Variants in ARMC9 observed in about 807,000 individuals in gnomAD.
ARMC9 encodes armadillo repeat containing 9, also known as lisH domain-containing protein ARMC9.
A neutral mutation model predicts 107.0 loss-of-function variants in ARMC9; 94 were observed. That is an observed-to-expected ratio of 0.88 (90% confidence interval 0.74 to 1.04). The LOEUF is 1.04. Among genes scored for constraint, ARMC9 ranks in the 50% least tolerant of loss-of-function variants. ARMC9 has a pLI of 0.00. For synonymous variants in ARMC9, 380 were observed against 396.9 expected (o/e 0.96, Z 0.51); for missense variants, 942 against 1,030.1 (o/e 0.91, Z 1.17).
chr2:231,253,367 G>T (rs112871009), intron 9 of ARMC9, among the ~76,000 whole-genome samples: 1 of 151,894 alleles, frequency 6.6e-6, no homozygotes, highest in South Asian at 2.1e-4. Context: ...TGCCTGCCTC[G>T]GCCTCCCAAA....
intron 19 of ARMC9, among the ~76,000 whole-genome samples, chr2:231,323,501 C>T (rs544677031): frequency 4.6e-5 from 7 of 152,284 alleles, no homozygotes; most frequent in Middle Eastern, 3.4e-3. Flanking sequence ...CTTTGTTAAG[C>T]TGCCCTTCCC....
intron 21 of ARMC9, among the ~76,000 whole-genome samples, chr2:231,353,978 T>TACACACACAC (rs537007134): frequency 1.4e-5 from 2 of 138,224 alleles, no homozygotes; most frequent in African/African-American, 6.3e-5. Context: ...TATATGTATA[T>TACACACACAC]ATACACACAC....
intron 19 of ARMC9, among the ~76,000 whole-genome samples, chr2:231,302,453 T>G (rs1296733556): frequency 1.2e-4 from 18 of 145,142 alleles, no homozygotes; most frequent in Admixed American, 1.2e-3. Flanking sequence ...TTTTTTTTTT[T>G]TTTTTTTTTG....
intron 20 of ARMC9, among the ~76,000 whole-genome samples, chr2:231,339,364 A>G (rs75789547): frequency 0.06 from 9,185 of 152,186 alleles, 453 homozygotes; most frequent in African/African-American, 0.13. Context: ...TTTTTAAAAG[A>G]CAAAAATTTA....
intron 15 of ARMC9, 134 bp from the exon 16 acceptor site, chr2:231,278,248 G>T: frequency 1.3e-6 from 1 of 788,256 alleles, no homozygotes; most frequent in Non-Finnish European, 2.2e-6. Flanking sequence ...TGACTCACCC[G>T]AGGTCATACA....
Position 231,214,879 on chromosome 2 carries a change from G to C in ARMC9, c.226G>C (p.Asp76His), listed in dbSNP as rs759705369. 8 of 1,614,112 alleles carry C rather than the reference G, an allele frequency of 5.0e-6. No individual in the cohort carries two copies. The highest frequency in any genetic ancestry group is 2.2e-5 in the South Asian group (2 of 91,066). The change falls in exon 4 of 25, where the codon GAT (aspartate) becomes CAT (histidine). Residue 76 changes from aspartate to histidine, a missense_variant. Transcript: ENST00000611582. ...FDNGDQKVFF[D>H]LWEEHISSSI... ...CAACGGAGACCAGAAGGTGTTCTTC[G>C]ATCTGTGGGAGGAGCACATTTCAAG...
chr2:231,279,495 C>CTTTTT (rs962948409), intron 16 of ARMC9, among the ~76,000 whole-genome samples: 32 of 146,846 alleles, frequency 2.2e-4, no homozygotes, highest in Non-Finnish European at 4.5e-4. Context: ...TCTTTCTTTT[C>CTTTTT]TTTTTTTTCT....
chr2:231,256,140 C>T, intron 9 of ARMC9: 6 of 1,544,114 alleles, frequency 3.9e-6, no homozygotes, highest in Non-Finnish European at 5.2e-6. Context: ...GCCAGGGTCA[C>T]CAAGGTCCTG....
At chr2:231,282,207 C>G (rs1559401052) in intron 17 of ARMC9, 74 bp downstream of exon 17, 2 of 1,442,298 alleles carry the variant, frequency 1.4e-6, no homozygotes, top group East Asian at 4.5e-5. Context: ...GCAAGACCTC[C>G]TTGATTGGGC....
At position 231,285,886 on chromosome 2, in the gene ARMC9, C is replaced by G. The variant is rs2040554086; in HGVS notation, c.1626+3753C>G. On this transcript the variant is annotated intron_variant, in intron 17 of 24. Transcript: ENST00000611582. Reference sequence around the variant, plus strand: ...GAGGAAGTTTTTAGATTGATAAAGCCATTATATTCTCTTTGCATGTAGGTC... The same window carrying G: ...GAGGAAGTTTTTAGATTGATAAAGCGATTATATTCTCTTTGCATGTAGGTC... Among the ~76,000 whole-genome samples, 3 of 152,232 alleles carry G rather than the reference C, an allele frequency of 2.0e-5. No homozygotes were observed. The South Asian group carries it at 6.2e-4, about 32-fold the overall frequency.
At chr2:231,221,756 G>A (rs2034150345) in intron 5 of ARMC9, among the ~76,000 whole-genome samples, 1 of 151,094 alleles carries the variant, frequency 6.6e-6, no homozygotes, top group Admixed American at 6.6e-5. Flanking sequence ...GCTTGAACCT[G>A]GGAGGCGGTG....
rs1250263678 is a variant in ARMC9 at position 231,337,468 on chromosome 2, TG to T, written c.1878+5572del. On this transcript the variant is annotated intron_variant, in intron 20 of 24. Transcript: ENST00000611582. ...CGCGCCACCACGCCCGGCTAATTTT[TG>T]TTTTTTTTTTTTTTTTTTGAGACAG... 9.0e-5 allele frequency among the ~76,000 whole-genome samples: 12 copies of T among 133,464 alleles called. 1 individual carries two copies. The highest frequency in any genetic ancestry group is 2.8e-4 in the Admixed American group (4 of 14,076). 87.6% of individuals were successfully genotyped at this position (133,464 alleles called of 152,430 possible). A position where few individuals can be genotyped will look rare whatever the true frequency, so the allele number is the denominator to read the frequency against.
chr2:231,235,542 A>G (rs2035630874), intron 8 of ARMC9, among the ~76,000 whole-genome samples, 161 bp downstream of exon 8: 1 of 152,234 alleles, frequency 6.6e-6, no homozygotes, highest in South Asian at 2.1e-4. Context: ...AAGGAGATAA[A>G]GCTGATATTT....
chr2:231,208,781 A>G (rs2032394379), intron 3 of ARMC9, among the ~76,000 whole-genome samples: 1 of 152,176 alleles, frequency 6.6e-6, no homozygotes, highest in Admixed American at 6.5e-5. Flanking sequence ...GACCTTAAAA[A>G]TCCTTGACTA....
intron 14 of ARMC9, among the ~76,000 whole-genome samples, chr2:231,274,277 C>T (rs1000860248): frequency 1.3e-5 from 2 of 152,052 alleles, no homozygotes; most frequent in South Asian, 2.1e-4. Flanking sequence ...ACCACCACAC[C>T]CGGCTAATTT....
intron 5 of ARMC9, among the ~76,000 whole-genome samples, chr2:231,219,552 A>G (rs781126041): frequency 3.0e-4 from 45 of 152,176 alleles, no homozygotes; most frequent in South Asian, 2.1e-3. Flanking sequence ...AAGGTGATCA[A>G]TCTCTTTTAT....
chr2:231,339,303 T>C (rs186348477), intron 20 of ARMC9, among the ~76,000 whole-genome samples: 1 of 150,236 alleles, frequency 6.7e-6, no homozygotes, highest in East Asian at 1.9e-4. Flanking sequence ...ACTCTAGCTC[T>C]GGGCGACAGA....
chr2:231,248,806 C>CA (rs35234269), intron 9 of ARMC9, among the ~76,000 whole-genome samples: 1,486 of 37,862 alleles, frequency 0.039, 93 homozygotes, highest in African/African-American at 0.084. Flanking sequence ...GGTTCTGTCT[C>CA]AAAAAAAAAA....
intron 19 of ARMC9, among the ~76,000 whole-genome samples, chr2:231,301,023 A>G (rs2041690102): frequency 6.6e-6 from 1 of 152,188 alleles, no homozygotes; most frequent in African/African-American, 2.4e-5. Context: ...TTAGTGATCT[A>G]GTGTGTGCAT....
Sources: gnomAD v4.1 joint callset for allele counts (sites outside exome capture counted in the v4.1 genomes callset) on GRCh38, gnomAD v4.1.1 for gene constraint, MANE v1.5 for transcripts, NCBI Gene and HGNC (gene_info 2026-07-23, HGNC 2026-07-21) for gene names.